TRPM3: variants seen among roughly 807,000 people sequenced by gnomAD.
TRPM3 encodes transient receptor potential cation channel subfamily M member 3.
In TRPM3, 77 loss-of-function variants were observed where a neutral mutation model predicts 181.2. That is an observed-to-expected ratio of 0.42 (90% confidence interval 0.35 to 0.51). The LOEUF (loss-of-function observed/expected upper bound fraction) is 0.51, where lower values mean the gene tolerates loss of function less well. TRPM3 is among the 20% of genes least tolerant of loss of function. The pLI is 0.01. For synonymous variants in TRPM3, 745 were observed against 796.4 expected, an observed-to-expected ratio of 0.94 and a Z score of 1.09; for missense variants, 1,759 against 2,196.7, an observed-to-expected ratio of 0.80 and a Z score of 3.98.
intron 1 of TRPM3, among the ~76,000 whole-genome samples, chr9:71,223,920 T>C (rs915491821): frequency 6.6e-6 from 1 of 152,212 alleles, no homozygotes; most frequent in Non-Finnish European, 1.5e-5. Context: ...AGGCCCAGAC[T>C]CCTGCACAGC....
intron 8 of TRPM3, among the ~76,000 whole-genome samples, chr9:70,746,711 G>A (rs1403896027): frequency 6.6e-6 from 1 of 152,092 alleles, no homozygotes; most frequent in Non-Finnish European, 1.5e-5. Flanking sequence ...TCAAACCATT[G>A]TTTCAACCAA....
intron 25 of TRPM3, among the ~76,000 whole-genome samples, chr9:70,544,460 C>T (rs1030796351): frequency 3.9e-5 from 6 of 151,908 alleles, no homozygotes; most frequent in African/African-American, 1.5e-4. Flanking sequence ...GATTGACATG[C>T]GGGGCCACCT....
intron 1 of TRPM3, among the ~76,000 whole-genome samples, chr9:70,868,749 A>T (rs2095714353): frequency 6.6e-6 from 1 of 152,074 alleles, no homozygotes. Context: ...CTAACTTTAT[A>T]GGAACAAATT....
intron 1 of TRPM3, among the ~76,000 whole-genome samples, chr9:71,198,176 A>G (rs11142724): frequency 0.43 from 64,061 of 150,320 alleles, 14,048 homozygotes; most frequent in East Asian, 0.51. Context: ...AAGATCAGAT[A>G]GTTGTAGATA....
chr9:70,881,079 G>C (rs2039642), intron 1 of TRPM3, among the ~76,000 whole-genome samples: 33,210 of 151,804 alleles, frequency 0.22, 4,318 homozygotes, highest in Admixed American at 0.27. Context: ...ACAAGTTTTT[G>C]TTAAATTTTT....
chr9:71,432,710 G>T (rs2093976567), intron 1 of TRPM3, among the ~76,000 whole-genome samples: 1 of 152,048 alleles, frequency 6.6e-6, no homozygotes, highest in African/African-American at 2.4e-5. Flanking sequence ...TTATCTTTTT[G>T]TTCAAAATGT....
At chr9:70,884,938 A>G (rs2096062311) in intron 1 of TRPM3, among the ~76,000 whole-genome samples, 2 of 152,170 alleles carry the variant, frequency 1.3e-5, no homozygotes, top group South Asian at 4.1e-4. Context: ...ACTTGTTTAT[A>G]AAAATCACAG....
intron 1 of TRPM3, among the ~76,000 whole-genome samples, chr9:71,265,449 G>T (rs1018124761): frequency 6.6e-6 from 1 of 152,162 alleles, no homozygotes; most frequent in African/African-American, 2.4e-5. Context: ...TGAAAATGGT[G>T]ACACATATTG....
At chr9:71,196,543 T>C (rs1164845254) in intron 1 of TRPM3, among the ~76,000 whole-genome samples, 1 of 151,844 alleles carries the variant, frequency 6.6e-6, no homozygotes, top group Non-Finnish European at 1.5e-5. Flanking sequence ...TTTTGCCACA[T>C]TTCCTACTTC....
At chr9:70,847,951 C>T (rs1046406993) in intron 3 of TRPM3, among the ~76,000 whole-genome samples, 25 of 151,930 alleles carry the variant, frequency 1.6e-4, no homozygotes, top group African/African-American at 3.4e-4. Flanking sequence ...ATAATTCTCA[C>T]GGGGAAATAA....
chr9:70,780,509 G>T (rs2082233037), intron 7 of TRPM3, among the ~76,000 whole-genome samples: 1 of 150,968 alleles, frequency 6.6e-6, no homozygotes, highest in Non-Finnish European at 1.5e-5. Flanking sequence ...AATCCTTCCT[G>T]GTGAATAAGG....
At chr9:71,222,640 C>G (rs1045878172) in intron 1 of TRPM3, among the ~76,000 whole-genome samples, 4 of 152,192 alleles carry the variant, frequency 2.6e-5, no homozygotes, top group Non-Finnish European at 4.4e-5. Flanking sequence ...AACTTCATAT[C>G]ACTGAAAGAG....
In TRPM3 at chr9:70,603,474, T is replaced by C. The variant is rs2060450825; in HGVS notation, c.2668-4A>G. The C allele has an allele frequency of 6.2e-7, 1 of 1,613,802 alleles. No homozygotes were observed. The highest frequency in any genetic ancestry group is 8.5e-7 in the Non-Finnish European group (1 of 1,179,882). ...TCAGGTATCCGATATACGCCAGCTGTAAGGAGACACAATACAGTGCTCTGG... is the reference window on the plus strand; with the variant it reads ...TCAGGTATCCGATATACGCCAGCTGCAAGGAGACACAATACAGTGCTCTGG... On this transcript the variant is annotated splice_region_variant and splice_polypyrimidine_tract_variant and intron_variant, in intron 19 of 25. Coordinates refer to ENST00000677713, the MANE Select transcript of TRPM3 (RefSeq NM_001366145.2).
At chr9:71,169,988 G>A (rs2076764717) in intron 1 of TRPM3, among the ~76,000 whole-genome samples, 1 of 107,460 alleles carries the variant, frequency 9.3e-6, no homozygotes, top group Non-Finnish European at 1.9e-5. Context: ...GTGACAGAGT[G>A]AGACTCTGTC....
chr9:71,094,725 C>T (rs764651205), intron 1 of TRPM3, among the ~76,000 whole-genome samples: 8 of 152,128 alleles, frequency 5.3e-5, no homozygotes, highest in Non-Finnish European at 1.0e-4. Context: ...AAGTATCACA[C>T]ACAGTGCCTG....
chr9:70,850,103 A>T (rs1457286689), intron 3 of TRPM3, among the ~76,000 whole-genome samples: 1 of 152,220 alleles, frequency 6.6e-6, no homozygotes, highest in Non-Finnish European at 1.5e-5. Flanking sequence ...CTAGCAAAAA[A>T]TGATTCCAGA....
At chr9:71,021,976 T>G (rs1428898858) in intron 1 of TRPM3, among the ~76,000 whole-genome samples, 2 of 151,998 alleles carry the variant, frequency 1.3e-5, no homozygotes, top group Admixed American at 1.3e-4. Context: ...AAGTAAAAGG[T>G]GTTGCTTACA....
intron 24 of TRPM3, 33 bp downstream of exon 24, chr9:70,552,811 T>C (rs2131861617): frequency 1.9e-6 from 3 of 1,611,184 alleles, no homozygotes; most frequent in Non-Finnish European, 2.5e-6. Context: ...GGATTTCTGA[T>C]TTGTGGCAGC....
At chr9:71,022,370 A>T (rs1327933645) in intron 1 of TRPM3, among the ~76,000 whole-genome samples, 1 of 152,176 alleles carries the variant, frequency 6.6e-6, no homozygotes, top group African/African-American at 2.4e-5. Flanking sequence ...ACTTCAACCT[A>T]AACCTCATGT....
Sources: gnomAD v4.1 joint callset for allele counts (sites outside exome capture counted in the v4.1 genomes callset) on GRCh38, gnomAD v4.1.1 for gene constraint, MANE v1.5 for transcripts, NCBI Gene and HGNC (gene_info 2026-07-23, HGNC 2026-07-21) for gene names.